The following SLC52A3 variants were observed in gnomAD, a reference collection of about 807,000 sequenced individuals.
SLC52A3 encodes solute carrier family 52 member 3.
In SLC52A3, 20 loss-of-function variants were observed where a neutral mutation model predicts 29.5. The observed-to-expected ratio is 0.68, with a 90% CI of 0.48 to 0.99. The LOEUF is 0.99. Among genes scored for constraint, SLC52A3 ranks in the 50% least tolerant of loss-of-function variants. The probability of loss-of-function intolerance (pLI) is 0.00; values close to 1 mark genes in which losing one functional copy is unlikely to be tolerated. For missense variants in SLC52A3, 548 were observed against 612.9 expected (o/e 0.89, Z 1.12); for synonymous variants, 301 against 271.0 (o/e 1.11, Z -1.09).
chr20:770,155 G>GTTTTTTTTTTT (rs71191969), upstream of SLC52A3, among the ~76,000 whole-genome samples: 1 of 143,162 alleles, frequency 7.0e-6, no homozygotes. This position sits in a 1 kb window ranked among gnomAD's most constrained non-coding sequence, Gnocchi z 4.5. Context: ...TCTGACTGCT[G>GTTTTTTTTTTT]TTTTTTTTTT....
upstream of SLC52A3, among the ~76,000 whole-genome samples, chr20:771,641 C>T (rs1467953093): frequency 7.0e-6 from 1 of 142,036 alleles, no homozygotes; most frequent in African/African-American, 2.6e-5. Context: ...TGTTTAGACC[C>T]TTGGGGGCAA....
rs780694636 is a variant in SLC52A3 at position 761,766 on chromosome 20, T to C, written c.1132A>G (p.Met378Val). 2 of 1,613,984 alleles carry C rather than the reference T, an allele frequency of 1.2e-6. No individual in the cohort carries two copies. The highest frequency in any genetic ancestry group is 1.7e-6 in the Non-Finnish European group (2 of 1,180,004). ...CAGGGGCTCATCACCGCCATGGCCA[T>C]GTTGTAGCCCCCAAAGCAGGTCCCA... ...VLGTCFGGYN[M>V]AMAVMSPCPL... Residue 378 changes from methionine (M) to valine (V), a missense_variant, in exon 4 of 5, where the codon ATG becomes GTG. Met to Val is a conservative substitution (Grantham distance 21, BLOSUM62 1). Transcript: ENST00000645534.
chr20:766,511 C>T (rs1434099724), intron 1 of SLC52A3, among the ~76,000 whole-genome samples: 1 of 152,166 alleles, frequency 6.6e-6, no homozygotes, highest in South Asian at 2.1e-4. Flanking sequence ...GTGAAAATGG[C>T]CGGTTCCTGC....
rs769434441 is a variant in SLC52A3 at position 760,981 on chromosome 20, C to T, written c.*45G>A. On this transcript the variant is annotated 3_prime_UTR_variant, in exon 5 of 5. Transcript: ENST00000645534. The surrounding 1 kb of genome is among the most constrained non-coding windows in gnomAD (Gnocchi z 4.9). Reference sequence around the variant, plus strand: ...TGCTCTGTGACCTGGCCTCTCTGGACCCCAGTTCCGTCCGTGAGCGATGGG... The same window carrying T: ...TGCTCTGTGACCTGGCCTCTCTGGATCCCAGTTCCGTCCGTGAGCGATGGG... The T allele has an allele frequency of 1.9e-6, 3 of 1,554,270 alleles. No individual in the cohort carries two copies. Among genetic ancestry groups the T allele is most frequent in the Non-Finnish European group, 2.6e-6 (3 of 1,147,516 alleles).
chr20:767,692 T>C (rs35972493), intron 1 of SLC52A3, among the ~76,000 whole-genome samples: 13,555 of 152,238 alleles, frequency 0.089, 657 homozygotes, highest in South Asian at 0.13. Context: ...TTTTGATTTG[T>C]GAACCATGTA....
chr20:761,839 G>A lies in SLC52A3; in HGVS notation c.1074-15C>T. ...ACAGCAGAGACCTAGAGGAAAGTAGGGGAGGTGAGTGGAGGTGAGAAGCCT... is the reference window on the plus strand; with the variant it reads ...ACAGCAGAGACCTAGAGGAAAGTAGAGGAGGTGAGTGGAGGTGAGAAGCCT... On this transcript the variant is annotated splice_polypyrimidine_tract_variant and intron_variant, in intron 3 of 4. Coordinates refer to ENST00000645534, the MANE Select transcript of SLC52A3 (RefSeq NM_033409.4). 5 of 1,614,132 alleles carry A rather than the reference G, an allele frequency of 3.1e-6. No individual in the cohort carries two copies. The highest frequency in any genetic ancestry group is 4.2e-6 in the Non-Finnish European group (5 of 1,179,984).
chr20:761,281 C>T (rs758117525), intron 4 of SLC52A3, 43 bp from the exon 5 acceptor site: 3 of 1,516,674 alleles, frequency 2.0e-6, no homozygotes, highest in Non-Finnish European at 8.9e-7. Flanking sequence ...ACGGGGCTTG[C>T]GGGGCGAGCG....
intron 4 of SLC52A3, 25 bp downstream of exon 4, chr20:761,676 G>A (rs770481644): frequency 2.5e-6 from 4 of 1,612,782 alleles, no homozygotes; most frequent in Non-Finnish European, 3.4e-6. Context: ...CGCAGCGGGA[G>A]CAGCCCCACC....
At chr20:766,074 T>C (rs1301804323) in intron 1 of SLC52A3, 1 of 426,958 alleles carries the variant, frequency 2.3e-6, no homozygotes, top group Middle Eastern at 6.8e-4. Context: ...ATAGCTGGGA[T>C]TACAGGTGCA....
At position 765,443 on chromosome 20, in the gene SLC52A3, A is replaced by G. The variant is rs1189385978; in HGVS notation, c.332T>C (p.Leu111Pro). 6.2e-7 allele frequency: 1 copy of G among 1,612,272 alleles called. No homozygotes were observed. The highest frequency in any genetic ancestry group is 8.5e-7 in the Non-Finnish European group (1 of 1,179,112). ...GTCCACCAGGGCCAGGAAGAAGGTG[A>G]GGACCAAGAAGGCGATGCTGTGGTG... ...DGHHSIAFLV[L>P]TFFLALVDCT... The change falls in exon 2 of 5, where the codon CTC becomes CCC. Residue 111 changes from leucine to proline, a missense_variant. Physicochemically the swap from Leu to Pro is moderately conservative, Grantham distance 98 (BLOSUM62 -3). This residue lies in a region of SLC52A3 where 375 missense variants were observed against 471.1 expected (regional missense o/e 0.80). Transcript: ENST00000645534. This position sits in a 1 kb window ranked among gnomAD's most constrained non-coding sequence, Gnocchi z 6.6.
chr20:769,348 C>T (rs1055060683), upstream of SLC52A3, among the ~76,000 whole-genome samples: 1 of 152,190 alleles, frequency 6.6e-6, no homozygotes, highest in African/African-American at 2.4e-5. Context: ...GAGCTCTCCC[C>T]TGCGGTAACA....
chr20:761,716 A>G lies in SLC52A3; in HGVS notation c.1182T>C (p.Gly394=). ...SPCPLLQGHW[G]GEVLIVASWV... is the part of the protein sequence containing the mutation. ...GGATACTCACAATGAGGACTTCCCC[A>G]CCCCAGTGGCCCTGCAAGAGGGGGC... Residue 394 remains glycine, a synonymous_variant, in exon 4 of 5, where the codon GGT becomes GGC. Coordinates refer to ENST00000645534, the MANE Select transcript of SLC52A3 (RefSeq NM_033409.4). 6.2e-7 allele frequency: 1 copy of G among 1,613,780 alleles called. No individual in the cohort carries two copies. The highest frequency in any genetic ancestry group is 8.5e-7 in the Non-Finnish European group (1 of 1,179,928).
intron 2 of SLC52A3, among the ~76,000 whole-genome samples, chr20:764,800 C>A (rs6085741): frequency 0.19 from 28,890 of 152,144 alleles, 2,917 homozygotes; most frequent in East Asian, 0.28. Context: ...ATCTGTACCA[C>A]GAAGGGGTAT....
intron 1 of SLC52A3, among the ~76,000 whole-genome samples, chr20:767,204 C>T (rs1986713196): frequency 6.6e-6 from 1 of 152,116 alleles, no homozygotes; most frequent in South Asian, 2.1e-4. Context: ...AATCTTGAAA[C>T]AAAATCAAGG....
At chr20:778,219 T>G (rs896629105), upstream of SLC52A3, among the ~76,000 whole-genome samples, 3 of 152,152 alleles carry the variant, frequency 2.0e-5, no homozygotes, top group Admixed American at 6.5e-5. Context: ...TTCACCATGT[T>G]GGCCAGGCTG....
chr20:769,667 C>T (rs74934146), upstream of SLC52A3, among the ~76,000 whole-genome samples: 3,720 of 152,228 alleles, frequency 0.024, 135 homozygotes, highest in East Asian at 0.17. Context: ...GAGGATGAGG[C>T]GGGCGGATCC....
At chr20:764,105 T>C (rs1229107625) in intron 2 of SLC52A3, 102 bp from the exon 3 acceptor site, 12 of 1,181,396 alleles carry the variant, frequency 1.0e-5, no homozygotes, top group African/African-American at 1.5e-5. Context: ...TTATTATTAA[T>C]GGATAATGAA....
chr20:761,019 G>T lies in SLC52A3; in HGVS notation c.*7C>A. The stretch of plus-strand genomic sequence containing the variant: ...CGTGAGCGATGGGGGCGGGGTCGGC[G>T]GCCTGCCTAGGCTGGACAGTGCAGA... On this transcript the variant is annotated 3_prime_UTR_variant, in exon 5 of 5. Transcript: ENST00000645534. The T allele has an allele frequency of 6.3e-7, 1 of 1,596,104 alleles. No individual in the cohort carries two copies. Among genetic ancestry groups the T allele is most frequent in the East Asian group, 2.3e-5 (1 of 43,356 alleles).
upstream of SLC52A3, among the ~76,000 whole-genome samples, chr20:772,262 A>G (rs1986863125): frequency 1.3e-5 from 2 of 152,212 alleles, no homozygotes; most frequent in South Asian, 4.1e-4. Flanking sequence ...AGGTGCTACC[A>G]CGGCTGTGTC....
Sources: allele counts gnomAD v4.1 joint callset (sites outside exome capture counted in the v4.1 genomes callset), GRCh38; gene constraint gnomAD v4.1.1; regional missense constraint gnomAD v4.1.1; non-coding constraint Gnocchi (gnomAD v3.1); transcripts MANE v1.5; gene names NCBI Gene and HGNC (gene_info 2026-07-23, HGNC 2026-07-21).